Variants in MLLT3 observed in about 807,000 individuals in gnomAD.
MLLT3 encodes protein AF-9.
A neutral mutation model predicts 53.2 loss-of-function variants in MLLT3; 4 were observed. The ratio of observed to expected loss-of-function variants is 0.08; its 90% CI spans 0.04 to 0.17. The LOEUF is 0.17. Among genes scored for constraint, MLLT3 ranks in the 10% least tolerant of loss-of-function variants. MLLT3 has a pLI of 1.00. For missense variants in MLLT3, 569 were observed against 684.0 expected (o/e 0.83, Z 1.87); for synonymous variants, 283 against 230.6 (o/e 1.23, Z -2.06).
Position 20,414,490 on chromosome 9 carries a change from T to G in MLLT3, c.421-65A>C, listed in dbSNP as rs143897603. 927 of 1,590,038 alleles carry G rather than the reference T, an allele frequency of 5.8e-4. 7 individuals carry two copies. In the East Asian group the frequency reaches 0.016, roughly 27 times the overall value. On this transcript the variant is annotated intron_variant, in intron 4 of 10. Coordinates refer to ENST00000380338, the MANE Select transcript of MLLT3 (RefSeq NM_004529.4). ...AATAGCAATGAAGAGTCAAAAGAGA[T>G]CTACATAAAATGATCCTTCTTTGAT... is the stretch of plus-strand genomic sequence containing the variant.
At chr9:20,462,537 A>G (rs1388402181) in intron 2 of MLLT3, among the ~76,000 whole-genome samples, 1 of 152,122 alleles carries the variant, frequency 6.6e-6, no homozygotes, top group Non-Finnish European at 1.5e-5. Context: ...GAGAAGATGC[A>G]GACCACCTGT....
chr9:20,351,141 G>C, intron 10 of MLLT3, among the ~76,000 whole-genome samples: 1 of 152,238 alleles, frequency 6.6e-6, no homozygotes, highest in Non-Finnish European at 1.5e-5. Flanking sequence ...CCAGGATGGA[G>C]AACATCATTT....
chr9:20,442,420 C>T (rs1400644376), intron 4 of MLLT3, among the ~76,000 whole-genome samples: 6 of 152,176 alleles, frequency 3.9e-5, no homozygotes, highest in Non-Finnish European at 8.8e-5. Context: ...AGTTTATTTA[C>T]TACAGTATTA....
At chr9:20,403,117 T>TA (rs556658324) in intron 5 of MLLT3, among the ~76,000 whole-genome samples, 8,745 of 143,794 alleles carry the variant, frequency 0.061, 711 homozygotes, top group African/African-American at 0.19. Flanking sequence ...GGCCCCCTTT[T>TA]AAAAAAAAAA....
intron 2 of MLLT3, chr9:20,532,594 GC>G: frequency 8.2e-6 from 2 of 244,862 alleles, no homozygotes; most frequent in Non-Finnish European, 1.5e-5. Context: ...GGTGGCTCCG[GC>G]CCCTGCTGTC....
At chr9:20,539,765 G>C (rs950333846) in intron 2 of MLLT3, among the ~76,000 whole-genome samples, 3 of 152,146 alleles carry the variant, frequency 2.0e-5, no homozygotes, top group African/African-American at 7.2e-5. Flanking sequence ...CTCACACTGT[G>C]AGATCAATCA....
chr9:20,527,083 G>T (rs1037570310), intron 2 of MLLT3, among the ~76,000 whole-genome samples: 2 of 152,058 alleles, frequency 1.3e-5, no homozygotes, highest in African/African-American at 4.8e-5. Context: ...GATACACACA[G>T]GGAAAAGACA....
In MLLT3 at chr9:20,442,197, T is replaced by C. The variant is rs1823572388; in HGVS notation, c.420+5926A>G. On this transcript the variant is annotated intron_variant, in intron 4 of 10. Coordinates refer to ENST00000380338, the MANE Select transcript of MLLT3 (RefSeq NM_004529.4). Reference sequence around the variant, plus strand: ...CAAATGAGATGCCATTTTTCATCCATCAGATTGGGGGAGAGGGTAGTTTAA... The same window carrying C: ...CAAATGAGATGCCATTTTTCATCCACCAGATTGGGGGAGAGGGTAGTTTAA... Among the ~76,000 whole-genome samples, 3 of 152,144 alleles carry C rather than the reference T, an allele frequency of 2.0e-5. No individual in the cohort carries two copies. In the South Asian group the frequency reaches 6.2e-4, roughly 31 times the overall value.
At chr9:20,437,624 T>TA (rs1823438642) in intron 4 of MLLT3, among the ~76,000 whole-genome samples, 1 of 152,098 alleles carries the variant, frequency 6.6e-6, no homozygotes, top group Non-Finnish European at 1.5e-5. Flanking sequence ...ATGACTCAAC[T>TA]AGAAGTAGTT....
chr9:20,454,128 A>T (rs1193396593), intron 3 of MLLT3, among the ~76,000 whole-genome samples: 2 of 152,208 alleles, frequency 1.3e-5, no homozygotes, highest in African/African-American at 2.4e-5. Flanking sequence ...AAGAAAATAA[A>T]ATCCCTCACA....
At chr9:20,602,882 T>C (rs1820466322) in intron 2 of MLLT3, among the ~76,000 whole-genome samples, 1 of 152,140 alleles carries the variant, frequency 6.6e-6, no homozygotes. Flanking sequence ...AATGGCATCA[T>C]GCCAAATCAA....
At chr9:20,489,378 T>C (rs552532112) in intron 2 of MLLT3, among the ~76,000 whole-genome samples, 2 of 152,218 alleles carry the variant, frequency 1.3e-5, no homozygotes, top group South Asian at 2.1e-4. Context: ...GGTGAAGATT[T>C]ATATTCTCTT....
chr9:20,441,912 G>T (rs1241264988), intron 4 of MLLT3, among the ~76,000 whole-genome samples: 1 of 152,078 alleles, frequency 6.6e-6, no homozygotes, highest in Non-Finnish European at 1.5e-5. Flanking sequence ...TGACAAATCA[G>T]TTCCTAAGAA....
At chr9:20,475,465 C>G (rs1303526212) in intron 2 of MLLT3, among the ~76,000 whole-genome samples, 1 of 152,008 alleles carries the variant, frequency 6.6e-6, no homozygotes. Context: ...CATAAATCAG[C>G]TTCAGTTAAG....
intron 2 of MLLT3, among the ~76,000 whole-genome samples, chr9:20,576,924 T>C (rs1819669387): frequency 6.6e-6 from 1 of 152,168 alleles, no homozygotes; most frequent in Non-Finnish European, 1.5e-5. Context: ...GAGAATCACC[T>C]GAGCCCACGA....
chr9:20,565,968 TTATATATATATATATTTATTTATA>T (rs1819357280), intron 2 of MLLT3, among the ~76,000 whole-genome samples: 2 of 32,792 alleles, frequency 6.1e-5, no homozygotes, highest in Admixed American at 3.3e-4. Flanking sequence ...ATATATATAT[TTATATATATATATATTTATTTATA>T]TATTTATTTA....
chr9:20,557,570 A>G (rs916347059), intron 2 of MLLT3, among the ~76,000 whole-genome samples: 4 of 152,156 alleles, frequency 2.6e-5, no homozygotes, highest in African/African-American at 9.7e-5. Flanking sequence ...ACTAGCCCAC[A>G]TCTTTATAAA....
intron 2 of MLLT3, among the ~76,000 whole-genome samples, chr9:20,459,959 C>T (rs999196331): frequency 6.6e-6 from 1 of 152,120 alleles, no homozygotes; most frequent in Non-Finnish European, 1.5e-5. Flanking sequence ...AAAAAACTTA[C>T]AGTTCTAATC....
At chr9:20,387,417 C>T (rs1326108721) in intron 5 of MLLT3, among the ~76,000 whole-genome samples, 1 of 152,166 alleles carries the variant, frequency 6.6e-6, no homozygotes, top group Non-Finnish European at 1.5e-5. Flanking sequence ...TTTAGTTTAT[C>T]CTATTACTGG....
Sources: allele counts gnomAD v4.1 joint callset (sites outside exome capture counted in the v4.1 genomes callset), GRCh38; gene constraint gnomAD v4.1.1; transcripts MANE v1.5; gene names NCBI Gene and HGNC (gene_info 2026-07-23, HGNC 2026-07-21).